The following APLNR variants were observed in gnomAD, a reference collection of about 807,000 sequenced individuals.
APLNR encodes APJ (apelin) receptor.
APLNR carries 13 observed loss-of-function variants against 23.4 expected under a neutral mutation model. That is an observed-to-expected ratio of 0.56 (90% CI 0.36 to 0.88). The LOEUF (loss-of-function observed/expected upper bound fraction) is 0.88, where lower values mean the gene tolerates loss of function less well. APLNR is among the 40% of genes least tolerant of loss of function. APLNR has a pLI of 0.01. For synonymous variants in APLNR, 234 were observed against 211.9 expected, an observed-to-expected ratio of 1.10 and a Z score of -0.91; for missense variants, 480 against 517.1, an observed-to-expected ratio of 0.93 and a Z score of 0.70.
At position 57,236,258 on chromosome 11, in the gene APLNR, G is replaced by A; in HGVS notation, c.747C>T (p.Ile249=). The stretch of plus-strand genomic sequence containing the variant: ...CAAAGGTCACCACCAGCACCACGAT[G>A]ATGCTGAGCAGCCGGCGCCGCTTCC... ...GLRKRRRLLS[I]IVVLVVTFAL... is the part of the protein sequence containing the mutation. Residue 249 remains isoleucine (I), a synonymous_variant, in exon 1 of 1, where the codon ATC becomes ATT. Transcript: ENST00000606794. The A allele has an allele frequency of 1.9e-6, 3 of 1,614,110 alleles. No individual in the cohort carries two copies. In the East Asian group the frequency reaches 6.7e-5, roughly 36 times the overall value.
At position 57,236,771 on chromosome 11, in the gene APLNR, G is replaced by A. The variant is rs138423122; in HGVS notation, c.234C>T (p.Phe78=). ...IASLAVADLT[F]VVTLPLWATY... is the part of the protein sequence containing the mutation. ...TAGCCCACAGGGGCAGCGTCACCAC[G>A]AAGGTCAGGTCAGCCACCGCCAGGC... is the stretch of plus-strand genomic sequence containing the variant. Residue 78 remains phenylalanine (F), a synonymous_variant, in exon 1 of 1, where the codon TTC becomes TTT. Coordinates refer to ENST00000606794, the MANE Select transcript of APLNR (RefSeq NM_005161.6). The A allele has an allele frequency of 1.2e-4, 195 of 1,614,164 alleles. No individual in the cohort carries two copies. The highest frequency in any genetic ancestry group is 1.6e-4 in the Middle Eastern group (1 of 6,062).
Position 57,236,290 on chromosome 11 carries a change from C to A in APLNR, c.715G>T (p.Gly239Cys), listed in dbSNP as rs373939726. Residue 239 changes from glycine (G) to cysteine (C), a missense_variant, in exon 1 of 1, where the codon GGC (glycine) becomes TGC (cysteine). Transcript: ENST00000606794. ...AGHFRKERIE[G>C]LRKRRRLLSI... Reference sequence around the variant, plus strand: ...AGCAGCCGGCGCCGCTTCCGCAGGCCCTCGATGCGTTCCTTGCGGAAGTGG... The same window carrying A: ...AGCAGCCGGCGCCGCTTCCGCAGGCACTCGATGCGTTCCTTGCGGAAGTGG... 18 of 1,614,182 alleles carry A rather than the reference C, an allele frequency of 1.1e-5. No individual in the cohort carries two copies. Among genetic ancestry groups the A allele is most frequent in the South Asian group, 9.9e-5 (9 of 91,078 alleles).
Position 57,235,380 on chromosome 11 carries a change from G to A in APLNR, c.*482C>T, listed in dbSNP as rs1256218118. ...CCTTCAGAACAAGAAAGTAGACAGG[G>A]GAGAAGGATGGATGGAGGGAGGGGG... On this transcript the variant is annotated 3_prime_UTR_variant, in exon 1 of 1. Transcript: ENST00000606794. 1 of 157,270 alleles carries A rather than the reference G, an allele frequency of 6.4e-6. No homozygotes were observed. Among genetic ancestry groups the A allele is most frequent in the African/African-American group, 2.4e-5 (1 of 41,490 alleles). The allele number at this position is 157,270 out of a possible 1,614,324, so 9.7% of individuals were successfully genotyped here. A position where few individuals can be genotyped will look rare whatever the true frequency, so the allele number is the denominator to read the frequency against.
rs564912523 is a variant in APLNR, at chr11:57,236,930, T to C, written c.75A>G (p.Lys25=). The change falls in exon 1 of 1, where the codon AAA becomes AAG. Residue 25 remains lysine (K), a synonymous_variant. Coordinates refer to ENST00000606794, the MANE Select transcript of APLNR (RefSeq NM_005161.6). ...NQSECEYTDW[K]SSGALIPAIY... is the part of the protein sequence containing the mutation. ...TGGCAGGGATGAGGGCCCCCGAGGA[T>C]TTCCAGTCTGTGTACTCACACTCAG... The C allele has an allele frequency of 3.1e-6, 5 of 1,613,788 alleles. No homozygotes were observed. In the African/African-American group the frequency reaches 5.3e-5, roughly 17 times the overall value.
At position 57,236,408 on chromosome 11, in the gene APLNR, C is replaced by A. The variant is rs749411187; in HGVS notation, c.597G>T (p.Val199=). The A allele has an allele frequency of 2.5e-6, 4 of 1,614,144 alleles. No individual in the cohort carries two copies. Among genetic ancestry groups the A allele is most frequent in the Non-Finnish European group, 3.4e-6 (4 of 1,179,986 alleles). Residue 199 remains valine, a synonymous_variant, in exon 1 of 1, where the codon GTG becomes GTT. Transcript: ENST00000606794. ...ATVSSEWAWE[V]GLGVSSTTVG... The stretch of plus-strand genomic sequence containing the variant: ...CGGTGGTGGACGAGACCCCAAGGCC[C>A]ACCTCCCAGGCCCACTCTGAGCTCA...
chr11:57,236,164 A>AG lies in APLNR; in HGVS notation c.840dup (p.Cys281LeufsTer2). 1 of 1,614,174 alleles carries AG rather than the reference A, an allele frequency of 6.2e-7. No homozygotes were observed. Among genetic ancestry groups the AG allele is most frequent in the Non-Finnish European group, 8.5e-7 (1 of 1,180,034 alleles). ...TTCATGAGGAAGAGGTCAAAGTCAC[A>AG]GGGCCAGTGCAGCAGGCTGCCCAGC... On this transcript the variant is annotated frameshift_variant, in exon 1 of 1. Coordinates refer to ENST00000606794, the MANE Select transcript of APLNR (RefSeq NM_005161.6). LOFTEE classifies it high-confidence loss of function.
At position 57,233,818 on chromosome 11, in the gene APLNR, A is replaced by G. The variant is rs1854968365; in HGVS notation, c.*2044T>C. ...CTTCTAGAAGCCTCTTCCAGTGTTC[A>G]CTGGATGCTTTGAGGACAGCTCTGG... On this transcript the variant is annotated 3_prime_UTR_variant, in exon 1 of 1. Transcript: ENST00000606794. 1 of 152,136 alleles carries G rather than the reference A, an allele frequency of 6.6e-6. No individual in the cohort carries two copies. The highest frequency in any genetic ancestry group is 1.5e-5 in the Non-Finnish European group (1 of 68,052). 9.4% of individuals were successfully genotyped at this position (152,136 alleles called of 1,614,324 possible).
In APLNR at chr11:57,237,068, C is replaced by A. The variant is rs1590545627; in HGVS notation, c.-64G>T. On this transcript the variant is annotated 5_prime_UTR_variant, in exon 1 of 1. Coordinates refer to ENST00000606794, the MANE Select transcript of APLNR (RefSeq NM_005161.6). Reference sequence around the variant, plus strand: ...GACACCAGCTCCGTGGCTCTGTCACCCACTCTGCAAGCAGCCTGAATTTCT... The same window carrying A: ...GACACCAGCTCCGTGGCTCTGTCACACACTCTGCAAGCAGCCTGAATTTCT... 1.3e-5 allele frequency: 19 copies of A among 1,489,978 alleles called. No individual in the cohort carries two copies. In the South Asian group the frequency reaches 2.2e-4, roughly 17 times the overall value. 92.3% of individuals were successfully genotyped at this position (1,489,978 alleles called of 1,614,324 possible).
At position 57,235,817 on chromosome 11, in the gene APLNR, G is replaced by T; in HGVS notation, c.*45C>A. 2 of 1,553,070 alleles carry T rather than the reference G, an allele frequency of 1.3e-6. No homozygotes were observed. The highest frequency in any genetic ancestry group is 1.7e-6 in the Non-Finnish European group (2 of 1,151,618). ...CTGATTTTCAGAAAGCAAGGGCAAA[G>T]GCCGGGGAGGGCCGAGGGCGCCAGG... On this transcript the variant is annotated 3_prime_UTR_variant, in exon 1 of 1. Transcript: ENST00000606794.
In APLNR at chr11:57,235,499, G is replaced by A. The variant is rs780677328; in HGVS notation, c.*363C>T. 36 of 179,844 alleles carry A rather than the reference G, an allele frequency of 2.0e-4. No homozygotes were observed. Among genetic ancestry groups the A allele is most frequent in the Non-Finnish European group, 3.6e-4 (31 of 86,908 alleles). The allele number at this position is 179,844 out of a possible 1,614,324, so 11.1% of individuals were successfully genotyped here. On this transcript the variant is annotated 3_prime_UTR_variant, in exon 1 of 1. Transcript: ENST00000606794. ...GGAAAAACTACAAGGAAAGAAGGGA[G>A]GAAAGACGATTGCAGATCTAAGAAA... is the stretch of plus-strand genomic sequence containing the variant.
In APLNR at chr11:57,236,775, G is replaced by A. The variant is rs761594364; in HGVS notation, c.230C>T (p.Thr77Ile). 1.9e-6 allele frequency: 3 copies of A among 1,614,220 alleles called. No homozygotes were observed. The highest frequency in any genetic ancestry group is 8.5e-7 in the Non-Finnish European group (1 of 1,180,048). ...CCACAGGGGCAGCGTCACCACGAAG[G>A]TCAGGTCAGCCACCGCCAGGCTAGC... is the stretch of plus-strand genomic sequence containing the variant. The part of the protein sequence containing the change: ...FIASLAVADL[T>I]FVVTLPLWAT... Residue 77 changes from threonine to isoleucine, a missense_variant, in exon 1 of 1, where the codon ACC (threonine) becomes ATC (isoleucine). Transcript: ENST00000606794.
At position 57,236,294 on chromosome 11, in the gene APLNR, G is replaced by A. The variant is rs771621395; in HGVS notation, c.711C>T (p.Ile237=). The change falls in exon 1 of 1, where the codon ATC becomes ATT. Residue 237 remains isoleucine (I), a synonymous_variant. Coordinates refer to ENST00000606794, the MANE Select transcript of APLNR (RefSeq NM_005161.6). ...TIAGHFRKER[I]EGLRKRRRLL... ...GCCGGCGCCGCTTCCGCAGGCCCTC[G>A]ATGCGTTCCTTGCGGAAGTGGCCAG... is the stretch of plus-strand genomic sequence containing the variant. The A allele has an allele frequency of 1.3e-5, 21 of 1,614,054 alleles. No homozygotes were observed. The highest frequency in any genetic ancestry group is 1.2e-4 in the South Asian group (11 of 91,076).
chr11:57,236,917 G>C lies in APLNR; in HGVS notation c.88C>G (p.Leu30Val). 5 of 1,613,996 alleles carry C rather than the reference G, an allele frequency of 3.1e-6. No homozygotes were observed. Among genetic ancestry groups the C allele is most frequent in the Non-Finnish European group, 4.2e-6 (5 of 1,179,998 alleles). ...ACCAACATGTAGATGGCAGGGATGA[G>C]GGCCCCCGAGGATTTCCAGTCTGTG... ...EYTDWKSSGA[L>V]IPAIYMLVFL... The change falls in exon 1 of 1, where the codon CTC becomes GTC. Residue 30 changes from leucine (L) to valine (V), a missense_variant. Leu to Val is a conservative substitution (Grantham distance 32). Transcript: ENST00000606794.
At position 57,234,466 on chromosome 11, in the gene APLNR, G is replaced by C. The variant is rs942378782; in HGVS notation, c.*1396C>G. 1 of 152,212 alleles carries C rather than the reference G, an allele frequency of 6.6e-6. No individual in the cohort carries two copies. Among genetic ancestry groups the C allele is most frequent in the Non-Finnish European group, 1.5e-5 (1 of 68,062 alleles). 9.4% of individuals were successfully genotyped at this position (152,212 alleles called of 1,614,324 possible). A position where few individuals can be genotyped will look rare whatever the true frequency, so the allele number is the denominator to read the frequency against. On this transcript the variant is annotated 3_prime_UTR_variant, in exon 1 of 1. Coordinates refer to ENST00000606794, the MANE Select transcript of APLNR (RefSeq NM_005161.6). The stretch of plus-strand genomic sequence containing the variant: ...CCCAAGCCTTGGCGCCAGCTGCTTT[G>C]GGGAGGGATCTCCCTACAGGAAGCC...
In APLNR at chr11:57,235,997, G is replaced by A. The variant is rs1259170158; in HGVS notation, c.1008C>T (p.His336=). ...CGQSRCAGTS[H]SSSGEKSASY... is the part of the protein sequence containing the mutation. ...TGGCTGACTTCTCCCCACTGCTGCT[G>A]TGGGAGGTGCCTGCGCACCTGCTCT... The change falls in exon 1 of 1, where the codon CAC becomes CAT. Residue 336 remains histidine (H), a synonymous_variant. Coordinates refer to ENST00000606794, the MANE Select transcript of APLNR (RefSeq NM_005161.6). 1 of 1,614,280 alleles carries A rather than the reference G, an allele frequency of 6.2e-7. No homozygotes were observed. Among genetic ancestry groups the A allele is most frequent in the Non-Finnish European group, 8.5e-7 (1 of 1,180,052 alleles).
chr11:57,236,011 C>A lies in APLNR; in HGVS notation c.994G>T (p.Ala332Ser), dbSNP rs764929700. 2 of 1,614,242 alleles carry A rather than the reference C, an allele frequency of 1.2e-6. No homozygotes were observed. Among genetic ancestry groups the A allele is most frequent in the Non-Finnish European group, 1.7e-6 (2 of 1,180,046 alleles). ...SMLCCGQSRC[A>S]GTSHSSSGEK... ...CCACTGCTGCTGTGGGAGGTGCCTG[C>A]GCACCTGCTCTGGCCACAGCAGAGC... The change falls in exon 1 of 1, where the codon GCA becomes TCA. Residue 332 changes from alanine (A) to serine (S), a missense_variant. Coordinates refer to ENST00000606794, the MANE Select transcript of APLNR (RefSeq NM_005161.6).
rs373559419 is a variant in APLNR, at chr11:57,236,159, G to C, written c.846C>G (p.Asp282Glu). Reference sequence around the variant, plus strand: ...AGATGTTCATGAGGAAGAGGTCAAAGTCACAGGGCCAGTGCAGCAGGCTGC... The same window carrying C: ...AGATGTTCATGAGGAAGAGGTCAAACTCACAGGGCCAGTGCAGCAGGCTGC... ...MLGSLLHWPC[D>E]FDLFLMNIFP... The change falls in exon 1 of 1, where the codon GAC (aspartate) becomes GAG (glutamate). Residue 282 changes from aspartate (D) to glutamate (E), a missense_variant. By Grantham distance (45) the Asp-to-Glu change is conservative (BLOSUM62 2). Coordinates refer to ENST00000606794, the MANE Select transcript of APLNR (RefSeq NM_005161.6). The C allele has an allele frequency of 1.2e-6, 2 of 1,614,188 alleles. No individual in the cohort carries two copies. Among genetic ancestry groups the C allele is most frequent in the Non-Finnish European group, 1.7e-6 (2 of 1,180,036 alleles).
Position 57,236,015 on chromosome 11 carries a change from C to T in APLNR, c.990G>A (p.Arg330=). The change falls in exon 1 of 1, where the codon AGG becomes AGA. Residue 330 remains arginine (R), a synonymous_variant. Coordinates refer to ENST00000606794, the MANE Select transcript of APLNR (RefSeq NM_005161.6). ...TGCTGCTGTGGGAGGTGCCTGCGCA[C>T]CTGCTCTGGCCACAGCAGAGCATGG... is the stretch of plus-strand genomic sequence containing the variant. The part of the protein sequence containing the change: ...CTSMLCCGQS[R]CAGTSHSSSG... 6.2e-7 allele frequency: 1 copy of T among 1,614,270 alleles called. No individual in the cohort carries two copies. The highest frequency in any genetic ancestry group is 1.6e-4 in the Middle Eastern group (1 of 6,062).
Position 57,235,886 on chromosome 11 carries a change from G to C in APLNR, c.1119C>G (p.Ser373Arg). Residue 373 changes from serine to arginine, a missense_variant, in exon 1 of 1, where the codon AGC becomes AGG. Coordinates refer to ENST00000606794, the MANE Select transcript of APLNR (RefSeq NM_005161.6). ...CCTAGTCAACCACAAGGGTCTCCTG[G>C]CTGTAGGGGATGGATTTCTCGTGCA... ...EQMHEKSIPY[S>R]QETLVVD The C allele has an allele frequency of 6.2e-7, 1 of 1,611,756 alleles. No homozygotes were observed. The highest frequency in any genetic ancestry group is 8.5e-7 in the Non-Finnish European group (1 of 1,178,796).
Sources: gnomAD v4.1 joint callset for allele counts on GRCh38, gnomAD v4.1.1 for gene constraint, MANE v1.5 for transcripts, NCBI Gene and HGNC (gene_info 2026-07-23, HGNC 2026-07-21) for gene names.